The following CCBE1 variants were observed in gnomAD, a reference collection of about 807,000 sequenced individuals.
CCBE1 encodes collagen and calcium-binding EGF domain-containing protein 1.
Under a neutral mutation model 50.0 loss-of-function variants are expected in CCBE1, and 37 were observed. That is an observed-to-expected ratio of 0.74 (90% confidence interval 0.57 to 0.97). The LOEUF is 0.97. Ranked by LOEUF, CCBE1 falls within the 50% of genes least tolerant of loss-of-function variation. The pLI, the probability that CCBE1 is intolerant of heterozygous loss-of-function variation, is 0.00. For missense variants in CCBE1, 538 were observed against 523.8 expected, an observed-to-expected ratio of 1.03 and a Z score of -0.26; for synonymous variants, 234 against 203.7, an observed-to-expected ratio of 1.15 and a Z score of -1.27.
intron 2 of CCBE1, among the ~76,000 whole-genome samples, chr18:59,509,714 G>A (rs1323082527): frequency 2.6e-5 from 4 of 152,264 alleles, no homozygotes; most frequent in African/African-American, 7.2e-5. Context: ...ATACAGGAGG[G>A]AACTGGAAAA....
chr18:59,697,513 A>G (rs1345137916), upstream of CCBE1: 5 of 852,558 alleles, frequency 5.9e-6, no homozygotes, highest in African/African-American at 3.5e-5. Context: ...GGCTGGGGGG[A>G]AAATGAGGCT....
intron 2 of CCBE1, among the ~76,000 whole-genome samples, chr18:59,543,848 A>AAAAAAAAAAAAAAAAAAAAAAAAAAAG (rs1915577474): frequency 7.5e-6 from 1 of 134,150 alleles, no homozygotes; most frequent in African/African-American, 3.0e-5. Context: ...AAAAAAAAAA[A>AAAAAAAAAAAAAAAAAAAAAAAAAAAG]AAAAAAAAAA....
intron 2 of CCBE1, among the ~76,000 whole-genome samples, chr18:59,572,938 T>C (rs938741410): frequency 6.6e-6 from 1 of 152,144 alleles, no homozygotes; most frequent in African/African-American, 2.4e-5. Flanking sequence ...TATTTTAAGA[T>C]GTGATAAACA....
At chr18:59,451,343 T>A (rs1255117080) in intron 6 of CCBE1, among the ~76,000 whole-genome samples, 1 of 147,142 alleles carries the variant, frequency 6.8e-6, no homozygotes, top group African/African-American at 2.5e-5. Flanking sequence ...GTGCCAGCCC[T>A]CTCCTTCTGG....
chr18:59,638,398 C>T (rs759446732), intron 2 of CCBE1, among the ~76,000 whole-genome samples: 1 of 152,198 alleles, frequency 6.6e-6, no homozygotes, highest in Admixed American at 6.5e-5. Flanking sequence ...ACTAGAGCAA[C>T]GAACGGTTCT....
At chr18:59,658,398 TATATATATATATATATATAA>T (rs2054232567) in intron 2 of CCBE1, among the ~76,000 whole-genome samples, 19 of 42,726 alleles carry the variant, frequency 4.4e-4, no homozygotes, top group South Asian at 1.2e-3. Context: ...TATATATATA[TATATATATATATATATATAA>T]AGTTAGCTAC....
chr18:59,444,525 GT>G (rs113349374), intron 7 of CCBE1, among the ~76,000 whole-genome samples: 2 of 150,508 alleles, frequency 1.3e-5, no homozygotes, highest in Non-Finnish European at 3.0e-5. Context: ...TTTCTCGGTG[GT>G]TTTTTTTTGA....
chr18:59,669,399 T>C (rs764419996), intron 2 of CCBE1, among the ~76,000 whole-genome samples: 4 of 152,256 alleles, frequency 2.6e-5, no homozygotes, highest in Non-Finnish European at 4.4e-5. Flanking sequence ...AAGAGGGTTC[T>C]GACCAACAGC....
chr18:59,677,362 G>A (rs562857052), intron 2 of CCBE1, among the ~76,000 whole-genome samples: 41 of 152,338 alleles, frequency 2.7e-4, no homozygotes, highest in Middle Eastern at 3.4e-3. Flanking sequence ...GCTGCAGACT[G>A]TGCTGTGAGT....
intron 2 of CCBE1, among the ~76,000 whole-genome samples, chr18:59,500,781 C>T (rs1913582126): frequency 1.3e-5 from 2 of 152,226 alleles, no homozygotes; most frequent in African/African-American, 4.8e-5. Flanking sequence ...GGAAACCACA[C>T]ACTCAGGACC....
At chr18:59,512,143 A>T (rs1176435051) in intron 2 of CCBE1, among the ~76,000 whole-genome samples, 1 of 152,196 alleles carries the variant, frequency 6.6e-6, no homozygotes. Flanking sequence ...GTGCTGGGAA[A>T]GGTGTGGTCC....
intron 2 of CCBE1, among the ~76,000 whole-genome samples, chr18:59,671,312 G>A (rs1290993136): frequency 1.3e-5 from 2 of 151,962 alleles, no homozygotes; most frequent in Non-Finnish European, 2.9e-5. Flanking sequence ...GACCAGCCTG[G>A]GCAACAGGGC....
rs149321303 is a variant in CCBE1 at position 59,459,984 on chromosome 18, C to A, written c.554-5033G>T. Among the ~76,000 whole-genome samples, 9 of 152,246 alleles carry A rather than the reference C, an allele frequency of 5.9e-5. No homozygotes were observed. In the East Asian group the frequency reaches 1.3e-3, roughly 23 times the overall value. On this transcript the variant is annotated intron_variant, in intron 5 of 10. Coordinates refer to ENST00000439986, the MANE Select transcript of CCBE1 (RefSeq NM_133459.4). ...TAAGTGATGCCAGGGGTCACGGTCA[C>A]GTTATCAGAAAATAAACAAAAGTTG... is the stretch of plus-strand genomic sequence containing the variant.
At chr18:59,679,089 T>C (rs2054550050) in intron 2 of CCBE1, among the ~76,000 whole-genome samples, 1 of 152,164 alleles carries the variant, frequency 6.6e-6, no homozygotes, top group African/African-American at 2.4e-5. Context: ...GCCTTTGAGG[T>C]GAAGTAATTT....
At chr18:59,507,962 C>T (rs1913955493) in intron 2 of CCBE1, among the ~76,000 whole-genome samples, 1 of 151,758 alleles carries the variant, frequency 6.6e-6, no homozygotes, top group Non-Finnish European at 1.5e-5. Context: ...ACGATCTCAC[C>T]TCACTGCAAC....
At chr18:59,631,265 T>G (rs940828904) in intron 2 of CCBE1, among the ~76,000 whole-genome samples, 12 of 152,064 alleles carry the variant, frequency 7.9e-5, no homozygotes, top group Non-Finnish European at 1.6e-4. Flanking sequence ...GAAAGTAATT[T>G]CATAAGCAGA....
At chr18:59,637,238 A>G (rs930620068) in intron 2 of CCBE1, among the ~76,000 whole-genome samples, 1 of 152,220 alleles carries the variant, frequency 6.6e-6, no homozygotes, top group Admixed American at 6.5e-5. Flanking sequence ...CATGATCTTT[A>G]GTATTTCTAT....
chr18:59,467,961 G>A (rs1048116182), intron 4 of CCBE1, among the ~76,000 whole-genome samples: 2 of 152,210 alleles, frequency 1.3e-5, no homozygotes, highest in Non-Finnish European at 2.9e-5. Context: ...CCTTTCCCCA[G>A]GTGTCCCTGC....
intron 2 of CCBE1, among the ~76,000 whole-genome samples, chr18:59,590,502 A>G (rs1193150596): frequency 1.3e-5 from 2 of 151,678 alleles, no homozygotes; most frequent in African/African-American, 4.8e-5. Flanking sequence ...TTGTTTTTTT[A>G]TGGAGCTAGG....
Sources: gnomAD v4.1 joint callset for allele counts (sites outside exome capture counted in the v4.1 genomes callset) on GRCh38, gnomAD v4.1.1 for gene constraint, MANE v1.5 for transcripts, NCBI Gene and HGNC (gene_info 2026-07-23, HGNC 2026-07-21) for gene names.